Variants in ATP11A observed in about 807,000 individuals in gnomAD.
ATP11A encodes the protein ATPase phospholipid transporting 11A.
Under a neutral mutation model 154.4 loss-of-function variants are expected in ATP11A, and 81 were observed. That is an observed-to-expected ratio of 0.52 (90% confidence interval 0.44 to 0.63). The LOEUF (loss-of-function observed/expected upper bound fraction) is 0.63. Ranked by LOEUF, ATP11A falls within the 30% of genes least tolerant of loss-of-function variation. The probability of loss-of-function intolerance (pLI) is 0.00; values close to 1 mark genes in which losing one functional copy is unlikely to be tolerated. For synonymous variants in ATP11A, 623 were observed against 585.9 expected (o/e 1.06, Z -0.91); for missense variants, 1,316 against 1,474.3 (o/e 0.89, Z 1.76).
intron 1 of ATP11A, chr13:112,703,382 C>T (rs915040645): frequency 1.3e-5 from 2 of 152,216 alleles, no homozygotes; most frequent in Admixed American, 6.5e-5. Flanking sequence ...GGTCCAATCA[C>T]ATTAGGGGTT....
chr13:112,723,379 C>G (rs1297796919), intron 1 of ATP11A, among the ~76,000 whole-genome samples: 1 of 66,340 alleles, frequency 1.5e-5, no homozygotes, highest in East Asian at 5.3e-4. Flanking sequence ...TCAGGCTATT[C>G]TCCTGCTTCA....
chr13:112,790,425 G>T (rs59191925), intron 2 of ATP11A, among the ~76,000 whole-genome samples: 3 of 144,338 alleles, frequency 2.1e-5, no homozygotes, highest in Non-Finnish European at 4.6e-5. Flanking sequence ...GACCCCTGTG[G>T]AGACCTGCTT....
chr13:112,729,476 C>CT (rs1293712618), intron 1 of ATP11A, among the ~76,000 whole-genome samples: 1 of 151,188 alleles, frequency 6.6e-6, no homozygotes, highest in Non-Finnish European at 1.5e-5. Context: ...CCCAGAGTAT[C>CT]TAACGCGTCT....
At chr13:112,747,747 A>C (rs936106881) in intron 1 of ATP11A, among the ~76,000 whole-genome samples, 1 of 152,134 alleles carries the variant, frequency 6.6e-6, no homozygotes, top group African/African-American at 2.4e-5. Flanking sequence ...GAGGCAGGAG[A>C]ATTGCTTGAA....
intron 12 of ATP11A, among the ~76,000 whole-genome samples, chr13:112,829,880 TTCTA>T (rs1261032269): frequency 6.6e-6 from 1 of 152,238 alleles, no homozygotes; most frequent in African/African-American, 2.4e-5. Flanking sequence ...TCAGTAGTGA[TTCTA>T]TATACCAGAC....
chr13:112,784,998 C>T, intron 1 of ATP11A, 137 bp from the exon 2 acceptor site: 1 of 1,161,574 alleles, frequency 8.6e-7, no homozygotes. Context: ...CCCAGGTCTC[C>T]CTGCAGCCCT....
chr13:112,732,886 T>G (rs189923256), intron 1 of ATP11A, among the ~76,000 whole-genome samples: 1 of 152,360 alleles, frequency 6.6e-6, no homozygotes, highest in East Asian at 1.9e-4. Context: ...GTGCTGTGAT[T>G]ACAGGTGTGA....
chr13:112,790,219 T>C (rs1323353534), intron 2 of ATP11A, among the ~76,000 whole-genome samples: 2 of 151,244 alleles, frequency 1.3e-5, no homozygotes, highest in East Asian at 2.0e-4. Flanking sequence ...AGTCCTGATA[T>C]GTAGATCCCT....
intron 1 of ATP11A, among the ~76,000 whole-genome samples, chr13:112,777,108 C>T (rs1315401328): frequency 6.6e-6 from 1 of 152,186 alleles, no homozygotes; most frequent in Non-Finnish European, 1.5e-5. Flanking sequence ...TCCTCGACCA[C>T]TGAACACAGG....
chr13:112,871,055 A>C (rs2080503937), intron 25 of ATP11A, among the ~76,000 whole-genome samples: 1 of 152,186 alleles, frequency 6.6e-6, no homozygotes, highest in African/African-American at 2.4e-5. Context: ...GCCTCTGTCC[A>C]GCCCTGTCCT....
In ATP11A at chr13:112,878,213, T is replaced by C. The variant is rs2080787640; in HGVS notation, c.3328-4T>C. ...TGTGCGTGGCCGCTGACCTCGGGAC[T>C]AAGACTAAGAGCCAGTGCCTTTCTG... On this transcript the variant is annotated splice_polypyrimidine_tract_variant and splice_region_variant and intron_variant, in intron 28 of 29. Transcript: ENST00000375645. 1 of 1,614,044 alleles carries C rather than the reference T, an allele frequency of 6.2e-7. No homozygotes were observed.
chr13:112,734,070 A>C (rs1224664253), intron 1 of ATP11A, among the ~76,000 whole-genome samples: 1 of 152,204 alleles, frequency 6.6e-6, no homozygotes, highest in African/African-American at 2.4e-5. Context: ...CATCCGGGTT[A>C]ATGAGCTAAA....
Position 112,696,665 on chromosome 13 carries a change from T to C in ATP11A, c.39+6210T>C, listed in dbSNP as rs1238716051. On this transcript the variant is annotated intron_variant, in intron 1 of 29. Coordinates refer to ENST00000375645, the MANE Select transcript of ATP11A (RefSeq NM_015205.3). The surrounding 1 kb of genome is among the most constrained non-coding windows in gnomAD (Gnocchi z 6.2). ...GGCCCGTCCTTCCTTCTCCTGTCTC[T>C]TCTGTGCCTACCGCGGGGGGTTCCC... is the stretch of plus-strand genomic sequence containing the variant. Among the ~76,000 whole-genome samples the C allele has an allele frequency of 6.6e-6, 1 of 152,096 alleles. No homozygotes were observed. The highest frequency in any genetic ancestry group is 1.5e-5 in the Non-Finnish European group (1 of 68,026).
chr13:112,781,337 G>T (rs2077493420), intron 1 of ATP11A, among the ~76,000 whole-genome samples: 1 of 152,160 alleles, frequency 6.6e-6, no homozygotes, highest in Admixed American at 6.5e-5. Context: ...ACCATGCCCG[G>T]CAGGGACCCC....
chr13:112,759,387 G>A (rs773120437), intron 1 of ATP11A, among the ~76,000 whole-genome samples: 7 of 152,214 alleles, frequency 4.6e-5, no homozygotes, highest in South Asian at 2.1e-4. Context: ...ACTTCTGACC[G>A]TCATGACGGT....
At chr13:112,718,142 CAGG>C (rs1888706105) in intron 1 of ATP11A, among the ~76,000 whole-genome samples, 2 of 151,840 alleles carry the variant, frequency 1.3e-5, no homozygotes, top group East Asian at 1.9e-4. Flanking sequence ...AAGGCGTGAA[CAGG>C]AGTTGTCTCT....
At chr13:112,818,146 G>A (rs376415645) in intron 6 of ATP11A, among the ~76,000 whole-genome samples, 1 of 151,150 alleles carries the variant, frequency 6.6e-6, no homozygotes, top group African/African-American at 2.4e-5. Context: ...GTGACACGGC[G>A]GTGACCGTGT....
Position 112,834,763 on chromosome 13 carries a change from C to T in ATP11A, c.1631+103C>T, listed in dbSNP as rs191539038. 3.0e-5 allele frequency: 27 copies of T among 904,152 alleles called. No homozygotes were observed. The East Asian group carries it at 6.7e-4, about 22-fold the overall frequency. 56.0% of individuals were successfully genotyped at this position (904,152 alleles called of 1,614,324 possible). On this transcript the variant is annotated intron_variant, in intron 15 of 29. Transcript: ENST00000375645. ...GAAAAGACAAGTTCTCTATGTTCTC[C>T]CACAATTCGCTTCCTCTCCTTCCCA... is the stretch of plus-strand genomic sequence containing the variant.
rs1362629696 is a variant in ATP11A at position 112,854,444 on chromosome 13, G to T, written c.2157G>T (p.Glu719Asp). ...TGGAGCTGACCACCAAGAGGATCGA[G>T]GAGCAGAGCCTGCACGACGTCCTGT... ...QLLELTTKRI[E>D]EQSLHDVLFE... Residue 719 changes from glutamate (E) to aspartate (D), a missense_variant, in exon 19 of 30, where the codon GAG (glutamate) becomes GAT (aspartate). This residue lies in a region of ATP11A where 876 missense variants were observed against 1,006.8 expected (regional missense o/e 0.87). Coordinates refer to ENST00000375645, the MANE Select transcript of ATP11A (RefSeq NM_015205.3). The T allele has an allele frequency of 6.2e-7, 1 of 1,613,192 alleles. No individual in the cohort carries two copies. Among genetic ancestry groups the T allele is most frequent in the South Asian group, 1.1e-5 (1 of 91,086 alleles).
Sources: gnomAD v4.1 joint callset for allele counts (sites outside exome capture counted in the v4.1 genomes callset) on GRCh38, gnomAD v4.1.1 for gene constraint, gnomAD v4.1.1 regional missense constraint, Gnocchi (gnomAD v3.1) non-coding constraint, MANE v1.5 for transcripts, NCBI Gene and HGNC (gene_info 2026-07-23, HGNC 2026-07-21) for gene names.